Variants in GABRB1 observed in about 807,000 individuals in gnomAD.
GABRB1 encodes gamma-aminobutyric acid type A receptor subunit beta1, also known as gamma-aminobutyric acid receptor subunit beta-1.
Under a neutral mutation model 51.6 loss-of-function variants are expected in GABRB1, and 17 were observed. The observed-to-expected ratio is 0.33, with a 90% CI of 0.23 to 0.49. The LOEUF (loss-of-function observed/expected upper bound fraction) is 0.49, where lower values mean the gene tolerates loss of function less well. Among genes scored for constraint, GABRB1 ranks in the 20% least tolerant of loss-of-function variants. The probability of loss-of-function intolerance (pLI) is 0.99; values close to 1 mark genes in which losing one functional copy is unlikely to be tolerated. For synonymous variants in GABRB1, 247 were observed against 218.9 expected, an observed-to-expected ratio of 1.13 and a Z score of -1.14; for missense variants, 410 against 600.6, an observed-to-expected ratio of 0.68 and a Z score of 3.32.
chr4:47,181,685 A>G (rs1212047988), intron 4 of GABRB1, among the ~76,000 whole-genome samples: 1 of 152,100 alleles, frequency 6.6e-6, no homozygotes, highest in African/African-American at 2.4e-5. Context: ...TACCTGGTGC[A>G]TAATTTGTGC....
At chr4:47,155,515 T>TA (rs1658320474) in intron 3 of GABRB1, among the ~76,000 whole-genome samples, 1 of 152,008 alleles carries the variant, frequency 6.6e-6, no homozygotes, top group African/African-American at 2.4e-5. Context: ...GATGCTCTAT[T>TA]ACTAGATGTT....
intron 8 of GABRB1, among the ~76,000 whole-genome samples, chr4:47,422,303 C>A (rs1052664184): frequency 6.6e-6 from 1 of 152,148 alleles, no homozygotes; most frequent in African/African-American, 2.4e-5. Context: ...TCTCTTCCAG[C>A]TTCACTTGAC....
chr4:47,105,633 A>G (rs1714933844), intron 3 of GABRB1, among the ~76,000 whole-genome samples: 1 of 152,120 alleles, frequency 6.6e-6, no homozygotes, highest in South Asian at 2.1e-4. Flanking sequence ...TGAGTGCAAC[A>G]GGCTTCATGT....
intron 1 of GABRB1, among the ~76,000 whole-genome samples, chr4:47,019,186 CT>C (rs1318848349): frequency 6.6e-6 from 1 of 152,040 alleles, no homozygotes; most frequent in East Asian, 1.9e-4. Context: ...ATTGGTTAAT[CT>C]ATCAACAATT....
At chr4:47,310,088 C>T (rs1467475361) in intron 4 of GABRB1, among the ~76,000 whole-genome samples, 1 of 152,116 alleles carries the variant, frequency 6.6e-6, no homozygotes, top group Non-Finnish European at 1.5e-5. Context: ...CAAGTTGCCA[C>T]CACCCAAATA....
chr4:47,161,254 T>C lies in GABRB1; in HGVS notation c.246T>C (p.Tyr82=), dbSNP rs1717945866. ...IDMVSEVNMD[Y]TLTMYFQQSW... The stretch of plus-strand genomic sequence containing the variant: ...TTGCTTTCTTTATTTCACAGGATTA[T>C]ACACTCACCATGTATTTCCAGCAGT... The change falls in exon 4 of 9, where the codon TAT becomes TAC. Residue 82 remains tyrosine, a synonymous_variant. Transcript: ENST00000295454. The C allele has an allele frequency of 3.8e-6, 6 of 1,585,916 alleles. No homozygotes were observed. The African/African-American group carries it at 5.4e-5, about 14-fold the overall frequency.
intron 5 of GABRB1, among the ~76,000 whole-genome samples, chr4:47,387,604 T>A (rs1258844746): frequency 6.6e-6 from 1 of 152,190 alleles, no homozygotes; most frequent in Non-Finnish European, 1.5e-5. Flanking sequence ...TAAAAACCAT[T>A]TGATTGTGGA....
At position 47,180,279 on chromosome 4, in the gene GABRB1, C is replaced by G. The variant is rs148257484; in HGVS notation, c.461+18810C>G. 1.0e-2 allele frequency among the ~76,000 whole-genome samples: 1,515 copies of G among 152,158 alleles called. 5 individuals are homozygous for G. The highest frequency in any genetic ancestry group is 0.016 in the Non-Finnish European group (1,056 of 67,986). ...AAAGTAAATTTCTACAGTGCACACTCTGTTTCCCATTGACTTACTTTGGTG... is the reference window on the plus strand; with the variant it reads ...AAAGTAAATTTCTACAGTGCACACTGTGTTTCCCATTGACTTACTTTGGTG... On this transcript the variant is annotated intron_variant, in intron 4 of 8. Transcript: ENST00000295454.
At chr4:47,172,378 G>A (rs1718475553) in intron 4 of GABRB1, among the ~76,000 whole-genome samples, 1 of 152,076 alleles carries the variant, frequency 6.6e-6, no homozygotes, top group African/African-American at 2.4e-5. Context: ...CGAACAACAA[G>A]TACCATATTT....
At chr4:47,382,032 A>G (rs1024281757) in intron 5 of GABRB1, among the ~76,000 whole-genome samples, 2 of 152,184 alleles carry the variant, frequency 1.3e-5, no homozygotes, top group Non-Finnish European at 2.9e-5. Context: ...TAGTGAAGAA[A>G]TTCTATTGTG....
At position 47,192,671 on chromosome 4, in the gene GABRB1, T is replaced by C. The variant is rs111332483; in HGVS notation, c.461+31202T>C. 9.4e-4 allele frequency among the ~76,000 whole-genome samples: 143 copies of C among 152,308 alleles called. 1 individual carries two copies. Among genetic ancestry groups the C allele is most frequent in the African/African-American group, 2.9e-3 (121 of 41,584 alleles). Reference sequence around the variant, plus strand: ...TGAGATTTTGCTCTCCAACTATGCATTGCAGTCCCACAAACAGAATAGATC... The same window carrying C: ...TGAGATTTTGCTCTCCAACTATGCACTGCAGTCCCACAAACAGAATAGATC... On this transcript the variant is annotated intron_variant, in intron 4 of 8. Transcript: ENST00000295454.
At chr4:47,382,796 T>C (rs995555848) in intron 5 of GABRB1, among the ~76,000 whole-genome samples, 19 of 152,308 alleles carry the variant, frequency 1.2e-4, no homozygotes, top group Admixed American at 1.0e-3. Context: ...TCCTATTTCA[T>C]GGACATCAGA....
intron 4 of GABRB1, among the ~76,000 whole-genome samples, chr4:47,289,256 T>A (rs1723634864): frequency 6.6e-6 from 1 of 152,136 alleles, no homozygotes; most frequent in Non-Finnish European, 1.5e-5. Flanking sequence ...TTTGTGCCAG[T>A]TTTTGTTTCC....
intron 4 of GABRB1, among the ~76,000 whole-genome samples, chr4:47,250,742 A>G (rs1178592670): frequency 6.6e-6 from 1 of 152,116 alleles, no homozygotes; most frequent in Non-Finnish European, 1.5e-5. Flanking sequence ...GTTTAAATCT[A>G]TTGCTGAGAA....
At chr4:47,097,978 A>T (rs545456015) in intron 3 of GABRB1, among the ~76,000 whole-genome samples, 1 of 152,150 alleles carries the variant, frequency 6.6e-6, no homozygotes, top group Non-Finnish European at 1.5e-5. Flanking sequence ...TTCCACTGGC[A>T]CCTTGTTTTG....
chr4:47,397,317 TA>T (rs1728210452), intron 5 of GABRB1, among the ~76,000 whole-genome samples: 1 of 152,214 alleles, frequency 6.6e-6, no homozygotes, highest in South Asian at 2.1e-4. Context: ...TGACATGAAA[TA>T]GGGGTCCAAA....
At chr4:47,356,999 T>C (rs1449677793) in intron 5 of GABRB1, among the ~76,000 whole-genome samples, 3 of 152,204 alleles carry the variant, frequency 2.0e-5, no homozygotes, top group Admixed American at 6.5e-5. Context: ...GGCTGAGACC[T>C]AATGTAAGAA....
intron 4 of GABRB1, among the ~76,000 whole-genome samples, chr4:47,193,765 T>C (rs1719538836): frequency 6.6e-6 from 1 of 152,238 alleles, no homozygotes; most frequent in African/African-American, 2.4e-5. Flanking sequence ...AGAAAATGTA[T>C]ACAAATATTT....
intron 3 of GABRB1, among the ~76,000 whole-genome samples, chr4:47,106,505 G>A (rs1202700371): frequency 6.6e-6 from 1 of 152,040 alleles, no homozygotes; most frequent in Non-Finnish European, 1.5e-5. Flanking sequence ...TGACTTACAG[G>A]AGAGTTGTAA....
Sources: allele counts gnomAD v4.1 joint callset (sites outside exome capture counted in the v4.1 genomes callset), GRCh38; gene constraint gnomAD v4.1.1; transcripts MANE v1.5; gene names NCBI Gene and HGNC (gene_info 2026-07-23, HGNC 2026-07-21).